RAB3IP: variants seen among roughly 807,000 people sequenced by gnomAD.
The protein encoded by RAB3IP is RAB3A interacting protein, also known as rab-3A-interacting protein.
In RAB3IP, 36 loss-of-function variants were observed where a neutral mutation model predicts 59.1. That is an observed-to-expected ratio of 0.61 (90% confidence interval 0.47 to 0.80). The LOEUF (loss-of-function observed/expected upper bound fraction) is 0.80. RAB3IP is among the 30% of genes least tolerant of loss of function. The probability of loss-of-function intolerance (pLI) is 0.00; values close to 1 mark genes in which losing one functional copy is unlikely to be tolerated. For missense variants in RAB3IP, 511 were observed against 536.0 expected (o/e 0.95, Z 0.46); for synonymous variants, 207 against 191.2 (o/e 1.08, Z -0.68).
chr12:69,804,905 A>G (rs1368067230), intron 8 of RAB3IP, among the ~76,000 whole-genome samples: 9 of 152,136 alleles, frequency 5.9e-5, no homozygotes, highest in African/African-American at 2.2e-4. Context: ...GTAGCCTTGT[A>G]GTATAGTTTG....
intron 6 of RAB3IP, among the ~76,000 whole-genome samples, chr12:69,799,112 T>A (rs151225314): frequency 1.7e-3 from 265 of 152,324 alleles, no homozygotes; most frequent in Non-Finnish European, 3.1e-3. Context: ...AATTTATGAA[T>A]TGGGCTGAAA....
intron 4 of RAB3IP, among the ~76,000 whole-genome samples, chr12:69,787,259 T>C (rs1592557662): frequency 1.3e-5 from 2 of 152,312 alleles, no homozygotes; most frequent in African/African-American, 2.4e-5. Context: ...TCAAAAGTTA[T>C]GTTTTTCTTC....
At chr12:69,745,522 A>G (rs1046216112) in intron 1 of RAB3IP, among the ~76,000 whole-genome samples, 20 of 152,182 alleles carry the variant, frequency 1.3e-4, no homozygotes, top group African/African-American at 4.3e-4. Flanking sequence ...CAAAAATAAT[A>G]TAGGGGAAAA....
rs368293613 is a variant in RAB3IP, at chr12:69,811,676, C to T, written c.1131-1102C>T. Among the ~76,000 whole-genome samples, 16 of 152,174 alleles carry T rather than the reference C, an allele frequency of 1.1e-4. No individual in the cohort carries two copies. In the South Asian group the frequency reaches 1.2e-3, roughly 12 times the overall value. ...AGTGCTTTTAAATATTGTTACAGAT[C>T]ATTAAAGGAATTTGCTAATAAAGAA... is the stretch of plus-strand genomic sequence containing the variant. On this transcript the variant is annotated intron_variant, in intron 8 of 10. Transcript: ENST00000247833.
At chr12:69,798,166 T>C (rs1370757497) in intron 6 of RAB3IP, among the ~76,000 whole-genome samples, 4 of 152,200 alleles carry the variant, frequency 2.6e-5, no homozygotes, top group African/African-American at 9.7e-5. Flanking sequence ...CCTATTCCTC[T>C]ACATCCTCTC....
At chr12:69,764,285 T>C (rs931941757) in intron 3 of RAB3IP, among the ~76,000 whole-genome samples, 3 of 152,218 alleles carry the variant, frequency 2.0e-5, no homozygotes, top group African/African-American at 4.8e-5. Flanking sequence ...ATTTCTTACA[T>C]TGAAATCTTT....
At chr12:69,783,973 A>G (rs1257734630) in intron 3 of RAB3IP, among the ~76,000 whole-genome samples, 1 of 152,204 alleles carries the variant, frequency 6.6e-6, no homozygotes, top group Non-Finnish European at 1.5e-5. Flanking sequence ...TTATAACACC[A>G]CTAACTCATT....
chr12:69,762,752 G>T (rs1335495484), intron 3 of RAB3IP, among the ~76,000 whole-genome samples: 8 of 45,004 alleles, frequency 1.8e-4, no homozygotes, highest in African/African-American at 3.2e-4. Flanking sequence ...GGGAGACTCC[G>T]TCTCAAAAAA....
At chr12:69,773,399 CTTTTTTTTTTTTTT>C (rs71437123) in intron 3 of RAB3IP, among the ~76,000 whole-genome samples, 32 of 48,002 alleles carry the variant, frequency 6.7e-4, no homozygotes, top group Non-Finnish European at 9.3e-4. Flanking sequence ...ATTTGTCTTT[CTTTTTTTTTTTTTT>C]TTTTTTTTTT....
intron 4 of RAB3IP, among the ~76,000 whole-genome samples, chr12:69,787,306 C>T (rs187573675): frequency 5.9e-5 from 9 of 152,056 alleles, no homozygotes; most frequent in Admixed American, 5.2e-4. Context: ...AAAATTAAGT[C>T]AGTTGAAAGA....
At chr12:69,762,709 A>G (rs1386183408) in intron 3 of RAB3IP, among the ~76,000 whole-genome samples, 2 of 131,006 alleles carry the variant, frequency 1.5e-5, no homozygotes, top group African/African-American at 5.5e-5. Context: ...GTGAGCTGAG[A>G]TTGCGCCACT....
intron 1 of RAB3IP, chr12:69,739,484 G>C (rs1294634900): frequency 1.1e-5 from 3 of 264,112 alleles, no homozygotes; most frequent in African/African-American, 6.8e-5. Context: ...GAACAAGTCG[G>C]AAGCAGCTCA....
At chr12:69,804,041 A>T (rs558298623) in intron 8 of RAB3IP, among the ~76,000 whole-genome samples, 7 of 152,076 alleles carry the variant, frequency 4.6e-5, no homozygotes, top group African/African-American at 1.7e-4. Flanking sequence ...GTCAAATGGT[A>T]TTTCTAGTTC....
chr12:69,801,078 G>A (rs777999957), intron 7 of RAB3IP, among the ~76,000 whole-genome samples: 7 of 152,170 alleles, frequency 4.6e-5, no homozygotes, highest in Non-Finnish European at 7.4e-5. Flanking sequence ...AACCTTGCCA[G>A]ACTAAAGAGG....
chr12:69,793,377 C>T (rs1457360573), intron 4 of RAB3IP, among the ~76,000 whole-genome samples: 1 of 152,174 alleles, frequency 6.6e-6, no homozygotes, highest in Non-Finnish European at 1.5e-5. Flanking sequence ...TAAAGAACTT[C>T]CACCTTTCCA....
chr12:69,782,377 C>G (rs1874887343), intron 3 of RAB3IP, among the ~76,000 whole-genome samples: 1 of 152,158 alleles, frequency 6.6e-6, no homozygotes, highest in Non-Finnish European at 1.5e-5. Context: ...GTTGATCAAG[C>G]TGGTCTCGAA....
chr12:69,740,284 G>A (rs1198279791), intron 1 of RAB3IP, among the ~76,000 whole-genome samples: 3 of 152,070 alleles, frequency 2.0e-5, no homozygotes, highest in Admixed American at 2.0e-4. Flanking sequence ...ATGGGGCCTT[G>A]TTCTGTTATC....
chr12:69,759,427 C>T (rs1378139718), intron 3 of RAB3IP, among the ~76,000 whole-genome samples: 1 of 152,074 alleles, frequency 6.6e-6, no homozygotes. Context: ...CTATCTTTTC[C>T]CCACCTTTCC....
Position 69,793,401 on chromosome 12 carries a change from C to T in RAB3IP, c.607-1036C>T, listed in dbSNP as rs149195484. On this transcript the variant is annotated intron_variant, in intron 4 of 10. Coordinates refer to ENST00000247833, the MANE Select transcript of RAB3IP (RefSeq NM_022456.5). ...TCCACCTTTCCATTCTACCACTGTG[C>T]ATTTTGACAGATCTAGTGAGGGTGC... Among the ~76,000 whole-genome samples, 13 of 152,286 alleles carry T rather than the reference C, an allele frequency of 8.5e-5. No individual in the cohort carries two copies. In the East Asian group the frequency reaches 2.5e-3, roughly 29 times the overall value.
Sources: allele counts gnomAD v4.1 joint callset (sites outside exome capture counted in the v4.1 genomes callset), GRCh38; gene constraint gnomAD v4.1.1; transcripts MANE v1.5; gene names NCBI Gene and HGNC (gene_info 2026-07-23, HGNC 2026-07-21).